MCCC1: variants seen among roughly 807,000 people sequenced by gnomAD.
MCCC1 encodes the protein methylcrotonyl-CoA carboxylase subunit 1.
In MCCC1, 64 loss-of-function variants were observed where a neutral mutation model predicts 83.8. The ratio of observed to expected loss-of-function variants is 0.76; its 90% CI spans 0.62 to 0.94. The LOEUF is 0.94. Among genes scored for constraint, MCCC1 ranks in the 40% least tolerant of loss-of-function variants. The pLI, the probability that MCCC1 is intolerant of heterozygous loss-of-function variation, is 0.00. For synonymous variants in MCCC1, 322 were observed against 315.4 expected, an observed-to-expected ratio of 1.02 and a Z score of -0.22; for missense variants, 807 against 904.7, an observed-to-expected ratio of 0.89 and a Z score of 1.39.
intron 3 of MCCC1, among the ~76,000 whole-genome samples, chr3:183,088,185 TTTGTTG>T (rs1162144091): frequency 7.6e-4 from 115 of 150,460 alleles, no homozygotes; most frequent in Non-Finnish European, 1.3e-3. Flanking sequence ...TTTTAAATGT[TTTGTTG>T]TTGTTGTTGT....
intron 5 of MCCC1, among the ~76,000 whole-genome samples, chr3:183,071,718 T>TTAA (rs10692178): frequency 0.55 from 82,909 of 149,812 alleles, 28,066 homozygotes; most frequent in Non-Finnish European, 0.76. Context: ...TTTTTTTTTT[T>TTAA]AGAGACAGGG....
At chr3:183,097,863 A>T (rs1463271588) in intron 1 of MCCC1, among the ~76,000 whole-genome samples, 9 of 152,028 alleles carry the variant, frequency 5.9e-5, no homozygotes, top group Admixed American at 5.9e-4. Flanking sequence ...GAAAAGAAAA[A>T]CCAGAAGAAC....
rs1243614503 is a variant in MCCC1 at position 183,064,327 on chromosome 3, C to T, written c.761+6672G>A. ...CTGTATTCCCACAAGTGGTATATAT[C>T]GTAAATATTAAAATGATCATTGTTT... On this transcript the variant is annotated intron_variant, in intron 7 of 18. Coordinates refer to ENST00000265594, the MANE Select transcript of MCCC1 (RefSeq NM_020166.5). The surrounding 1 kb of genome is among the most constrained non-coding windows in gnomAD (Gnocchi z 4.5). Among the ~76,000 whole-genome samples, 1 of 151,826 alleles carries T rather than the reference C, an allele frequency of 6.6e-6. No individual in the cohort carries two copies. Among genetic ancestry groups the T allele is most frequent in the African/African-American group, 2.4e-5 (1 of 41,310 alleles).
intron 3 of MCCC1, 135 bp from the exon 4 acceptor site, chr3:183,086,923 A>G: frequency 1.3e-6 from 1 of 764,532 alleles, no homozygotes. Flanking sequence ...AAGAATTGAA[A>G]AACTGAAGTA....
upstream of MCCC1, among the ~76,000 whole-genome samples, chr3:183,103,075 C>T (rs968558052): frequency 3.3e-5 from 5 of 151,834 alleles, no homozygotes; most frequent in South Asian, 6.2e-4. Flanking sequence ...TAAGGTGGCG[C>T]GTCTGGAGTT....
In MCCC1 at chr3:183,017,738, C is replaced by T. The variant is rs150337742; in HGVS notation, c.1978-401G>A. ...CCAAATGTACAGGTCAAATCTGAGACCTACAGCCCAAATGTACTGGTCAAA... is the reference window on the plus strand; with the variant it reads ...CCAAATGTACAGGTCAAATCTGAGATCTACAGCCCAAATGTACTGGTCAAA... On this transcript the variant is annotated intron_variant, in intron 17 of 18. Coordinates refer to ENST00000265594, the MANE Select transcript of MCCC1 (RefSeq NM_020166.5). 576 of 232,652 alleles carry T rather than the reference C, an allele frequency of 2.5e-3. 1 individual carries two copies. The highest frequency in any genetic ancestry group is 3.7e-3 in the Non-Finnish European group (436 of 117,410). 14.4% of individuals were successfully genotyped at this position (232,652 alleles called of 1,614,324 possible).
intron 3 of MCCC1, among the ~76,000 whole-genome samples, chr3:183,088,958 C>T (rs1177581233): frequency 6.6e-6 from 1 of 152,204 alleles, no homozygotes. Flanking sequence ...CTAAAGCAGA[C>T]ATTCCTGTAC....
intron 17 of MCCC1, chr3:183,017,570 T>C (rs1202626333): frequency 3.8e-6 from 2 of 530,544 alleles, no homozygotes; most frequent in Admixed American, 6.4e-5. Context: ...CCCATGTGGT[T>C]GTGCCATCTG....
chr3:183,037,270 A>G lies in MCCC1; in HGVS notation c.1542T>C (p.Gly514=). ...AKESLCQAAL[G]LILKEKAMTD... ...TCATGGCTTTCTCCTTGAGGATGAG[A>G]CCCAGGGCTGCCTGGCATAAAGACT... Residue 514 remains glycine (G), a synonymous_variant, in exon 13 of 19, where the codon GGT becomes GGC. Transcript: ENST00000265594. The G allele has an allele frequency of 6.2e-7, 1 of 1,614,084 alleles. No individual in the cohort carries two copies.
chr3:183,109,903 CCTCA>C (rs1331809894), intron 1 of MCCC1, among the ~76,000 whole-genome samples: 2 of 152,138 alleles, frequency 1.3e-5, no homozygotes, highest in African/African-American at 4.8e-5. Context: ...TTCTCTACAG[CCTCA>C]CTGTCTGTTA....
intron 1 of MCCC1, among the ~76,000 whole-genome samples, chr3:183,114,870 T>G (rs1719564597): frequency 6.6e-6 from 1 of 152,112 alleles, no homozygotes; most frequent in Admixed American, 6.5e-5. Flanking sequence ...GCCCCTGTAT[T>G]TTGCTCCTAG....
chr3:183,062,707 G>C (rs990298264), intron 7 of MCCC1, among the ~76,000 whole-genome samples: 2 of 152,170 alleles, frequency 1.3e-5, no homozygotes, highest in Non-Finnish European at 2.9e-5. Context: ...GCTTATAAGG[G>C]AAGTTCAGTG....
At chr3:183,114,689 G>C (rs1353625285) in intron 1 of MCCC1, among the ~76,000 whole-genome samples, 1 of 152,194 alleles carries the variant, frequency 6.6e-6, no homozygotes, top group Non-Finnish European at 1.5e-5. Flanking sequence ...TCCTCCTAGA[G>C]AGCAAGCCAC....
At chr3:183,065,609 T>C (rs2108517621) in intron 7 of MCCC1, among the ~76,000 whole-genome samples, 1 of 144,820 alleles carries the variant, frequency 6.9e-6, no homozygotes, top group South Asian at 2.3e-4. Context: ...TGGTAAAAGA[T>C]TATAAGAAGG....
chr3:183,030,436 A>T (rs1712960354), intron 14 of MCCC1, among the ~76,000 whole-genome samples: 1 of 152,194 alleles, frequency 6.6e-6, no homozygotes, highest in East Asian at 1.9e-4. Context: ...GCCACAGCAC[A>T]GAAACCCCAT....
chr3:183,077,144 T>C (rs1055032439), intron 4 of MCCC1, among the ~76,000 whole-genome samples: 1 of 152,236 alleles, frequency 6.6e-6, no homozygotes, highest in Admixed American at 6.5e-5. Flanking sequence ...CATCAGTTGA[T>C]AGACATTTGC....
chr3:183,107,699 C>T (rs1047527001), intron 1 of MCCC1, among the ~76,000 whole-genome samples: 4 of 147,650 alleles, frequency 2.7e-5, no homozygotes, highest in South Asian at 2.2e-4. Flanking sequence ...CATGCCACCA[C>T]GCCTGGCTAG....
chr3:183,087,464 T>C (rs954223210), intron 3 of MCCC1, among the ~76,000 whole-genome samples: 1 of 152,058 alleles, frequency 6.6e-6, no homozygotes, highest in African/African-American at 2.4e-5. Context: ...TAATGACAAC[T>C]GTGATGAACG....
Position 183,015,445 on chromosome 3 carries a change from G to A in MCCC1, c.2171C>T (p.Ser724Leu), listed in dbSNP as rs201806708. ...CCATTTCCTTGCTGGAGTTTATTCCGATTCCCTTTTGTCTGATTCTTCCTC... is the reference window on the plus strand; with the variant it reads ...CCATTTCCTTGCTGGAGTTTATTCCAATTCCCTTTTGTCTGATTCTTCCTC... The part of the protein sequence containing the change: ...FEEEESDKRE[S>L]E The change falls in exon 19 of 19, where the codon TCG (serine) becomes TTG (leucine). Residue 724 changes from serine to leucine, a missense_variant. Ser to Leu is a moderately radical substitution (Grantham distance 145). Transcript: ENST00000265594. 2.1e-4 allele frequency: 335 copies of A among 1,614,102 alleles called. No homozygotes were observed. Among genetic ancestry groups the A allele is most frequent in the Admixed American group, 1.8e-4 (11 of 60,010 alleles).
Sources: allele counts gnomAD v4.1 joint callset (sites outside exome capture counted in the v4.1 genomes callset), GRCh38; gene constraint gnomAD v4.1.1; non-coding constraint Gnocchi (gnomAD v3.1); transcripts MANE v1.5; gene names NCBI Gene and HGNC (gene_info 2026-07-23, HGNC 2026-07-21).